The following KLHL41 variants were observed in gnomAD, a reference collection of about 807,000 sequenced individuals.
The protein encoded by KLHL41 is kelch like family member 41.
KLHL41 carries 31 observed loss-of-function variants against 49.2 expected under a neutral mutation model. The observed-to-expected ratio is 0.63, with a 90% CI of 0.47 to 0.85. The LOEUF is 0.85. Among genes scored for constraint, KLHL41 ranks in the 40% least tolerant of loss-of-function variants. The pLI is 0.00. For synonymous variants in KLHL41, 218 were observed against 258.5 expected (o/e 0.84, Z 1.50); for missense variants, 663 against 726.7 (o/e 0.91, Z 1.01).
chr2:169,516,669 A>G (rs1361796852), intron 3 of KLHL41, among the ~76,000 whole-genome samples: 1 of 152,214 alleles, frequency 6.6e-6, no homozygotes, highest in African/African-American at 2.4e-5. Context: ...ATGATTAACT[A>G]ACACAACACT....
At chr2:169,515,205 G>C (rs562660304) in intron 3 of KLHL41, among the ~76,000 whole-genome samples, 31 of 151,790 alleles carry the variant, frequency 2.0e-4, no homozygotes, top group African/African-American at 7.3e-4. Context: ...GGCTAATTTT[G>C]TATTTTTAGT....
intron 3 of KLHL41, among the ~76,000 whole-genome samples, chr2:169,515,687 G>C (rs1684106418): frequency 6.6e-6 from 1 of 152,152 alleles, no homozygotes; most frequent in South Asian, 2.1e-4. Context: ...TCATGGATTT[G>C]TACTTTACAT....
intron 5 of KLHL41, among the ~76,000 whole-genome samples, chr2:169,521,892 A>G (rs1269935502): frequency 2.6e-5 from 4 of 152,068 alleles, no homozygotes; most frequent in African/African-American, 9.6e-5. Flanking sequence ...CTGTTACTCA[A>G]TTGAACATTT....
At chr2:169,521,032 C>T (rs1434304064) in intron 5 of KLHL41, 25 bp downstream of exon 5, 1 of 1,600,274 alleles carries the variant, frequency 6.2e-7, no homozygotes, top group South Asian at 1.1e-5. Flanking sequence ...CTTCAATTTT[C>T]AGAATCACAT....
chr2:169,516,143 G>T (rs1458281390), intron 3 of KLHL41, among the ~76,000 whole-genome samples: 4 of 152,138 alleles, frequency 2.6e-5, no homozygotes, highest in Non-Finnish European at 5.9e-5. Flanking sequence ...GTCATCATTT[G>T]CCCAGGCCAT....
At position 169,521,383 on chromosome 2, in the gene KLHL41, TTA is replaced by T. The variant is rs550030620; in HGVS notation, c.1709+378_1709+379del. Among the ~76,000 whole-genome samples, 5 of 152,246 alleles carry T rather than the reference TTA, an allele frequency of 3.3e-5. No individual in the cohort carries two copies. In the South Asian group the frequency reaches 6.2e-4, roughly 19 times the overall value. On this transcript the variant is annotated intron_variant, in intron 5 of 5. Coordinates refer to ENST00000284669, the MANE Select transcript of KLHL41 (RefSeq NM_006063.3). Reference sequence around the variant, plus strand: ...ACAAAACAGAGTTCTAAAAAAAATTTTATGTTTTTTACTTTTTTATTTTTATT... The same window carrying T: ...ACAAAACAGAGTTCTAAAAAAAATTTTGTTTTTTACTTTTTTATTTTTATT...
intron 3 of KLHL41, among the ~76,000 whole-genome samples, chr2:169,516,894 G>A: frequency 6.6e-6 from 1 of 152,152 alleles, no homozygotes; most frequent in Non-Finnish European, 1.5e-5. Flanking sequence ...GGTGCCGTTT[G>A]CCTGTAATCC....
chr2:169,522,795 T>G (rs1229541061), intron 5 of KLHL41, among the ~76,000 whole-genome samples: 1 of 140,676 alleles, frequency 7.1e-6, no homozygotes, highest in Non-Finnish European at 1.5e-5. Context: ...TGATCTTGGC[T>G]CATTGCAACC....
intron 1 of KLHL41, chr2:169,514,155 A>T: frequency 6.5e-6 from 1 of 154,760 alleles, no homozygotes; most frequent in Non-Finnish European, 1.4e-5. Flanking sequence ...GAGCATGTTA[A>T]ATATAGCACG....
intron 4 of KLHL41, among the ~76,000 whole-genome samples, chr2:169,519,285 C>T (rs1684163109): frequency 1.3e-5 from 2 of 151,784 alleles, no homozygotes; most frequent in Admixed American, 6.6e-5. Flanking sequence ...CCTAGTTTAG[C>T]AATGAAGAAA....
chr2:169,516,971 C>T (rs1329001432), intron 3 of KLHL41, among the ~76,000 whole-genome samples: 6 of 152,130 alleles, frequency 3.9e-5, no homozygotes, highest in Non-Finnish European at 8.8e-5. Context: ...GATATCGCGC[C>T]ACTGCACTCC....
At chr2:169,523,236 G>A (rs1039528933) in intron 5 of KLHL41, among the ~76,000 whole-genome samples, 1 of 152,174 alleles carries the variant, frequency 6.6e-6, no homozygotes, top group East Asian at 1.9e-4. Context: ...CTAAAAGAGG[G>A]ATCCTCTCTG....
In KLHL41 at chr2:169,511,122, TAA is replaced by T. The variant is rs1278848245; in HGVS notation, c.1110+235_1110+236del. On this transcript the variant is annotated intron_variant, in intron 1 of 5. Coordinates refer to ENST00000284669, the MANE Select transcript of KLHL41 (RefSeq NM_006063.3). The stretch of plus-strand genomic sequence containing the variant: ...AGGTTCTAATTCATGTTTAATGACT[TAA>T]GATGTTCTTTATACTATTTTACCAA... Among the ~76,000 whole-genome samples, 5 of 152,364 alleles carry T rather than the reference TAA, an allele frequency of 3.3e-5. No individual in the cohort carries two copies. The East Asian group carries it at 9.6e-4, about 29-fold the overall frequency.
intron 5 of KLHL41, 92 bp downstream of exon 5, chr2:169,521,099 A>G: frequency 8.3e-7 from 1 of 1,201,312 alleles, no homozygotes; most frequent in Non-Finnish European, 1.2e-6. Flanking sequence ...AGATTTTCCC[A>G]ACATGCAAGC....
At chr2:169,521,995 A>C (rs1684209937) in intron 5 of KLHL41, among the ~76,000 whole-genome samples, 1 of 151,658 alleles carries the variant, frequency 6.6e-6, no homozygotes, top group Non-Finnish European at 1.5e-5. Context: ...AGCGAGTCTT[A>C]AAAGAAAAAA....
chr2:169,514,320 A>G, intron 1 of KLHL41: 1 of 339,278 alleles, frequency 2.9e-6, no homozygotes, highest in Non-Finnish European at 5.3e-6. Flanking sequence ...ACCTCTGGTG[A>G]TTCTATTTTA....
intron 5 of KLHL41, among the ~76,000 whole-genome samples, chr2:169,524,647 C>A (rs948439313): frequency 1.3e-5 from 2 of 152,012 alleles, no homozygotes; most frequent in African/African-American, 4.8e-5. Context: ...ACCTGCCCCC[C>A]TCGGCCTCCC....
intron 1 of KLHL41, among the ~76,000 whole-genome samples, chr2:169,513,923 G>A (rs964004088): frequency 1.3e-5 from 2 of 152,096 alleles, no homozygotes; most frequent in East Asian, 1.9e-4. Flanking sequence ...AAAATGAGCA[G>A]TTACTTATTA....
intron 1 of KLHL41, among the ~76,000 whole-genome samples, chr2:169,513,667 C>T (rs1461658544): frequency 6.6e-6 from 1 of 152,172 alleles, no homozygotes; most frequent in Non-Finnish European, 1.5e-5. Context: ...TCCAGTGAAA[C>T]TGGGTTTTAT....
Sources: allele counts gnomAD v4.1 joint callset (sites outside exome capture counted in the v4.1 genomes callset), GRCh38; gene constraint gnomAD v4.1.1; transcripts MANE v1.5; gene names NCBI Gene and HGNC (gene_info 2026-07-23, HGNC 2026-07-21).